UPF2: variants seen among roughly 807,000 people sequenced by gnomAD.
UPF2 encodes the protein UPF2 regulator of nonsense mediated mRNA decay, also known as regulator of nonsense transcripts 2.
Under a neutral mutation model 141.4 loss-of-function variants are expected in UPF2, and 17 were observed. That is an observed-to-expected ratio of 0.12 (90% CI 0.08 to 0.18). The LOEUF (loss-of-function observed/expected upper bound fraction) is 0.18. UPF2 is among the 10% of genes least tolerant of loss of function. The probability of loss-of-function intolerance (pLI) is 1.00; values close to 1 mark genes in which losing one functional copy is unlikely to be tolerated. For synonymous variants in UPF2, 540 were observed against 498.0 expected, an observed-to-expected ratio of 1.08 and a Z score of -1.12; for missense variants, 1,152 against 1,515.9, an observed-to-expected ratio of 0.76 and a Z score of 3.99.
At chr10:11,985,935 A>AGT (rs146698735) in intron 8 of UPF2, among the ~76,000 whole-genome samples, 51,645 of 133,410 alleles carry the variant, frequency 0.39, 10,666 homozygotes, top group East Asian at 0.61. Context: ...CCCAGGCTGG[A>AGT]GTGCAGTGGC....
chr10:11,942,708 T>G lies in UPF2; in HGVS notation c.3335A>C (p.Asp1112Ala). The change falls in exon 18 of 22, where the codon GAC (aspartate) becomes GCC (alanine). Residue 1112 changes from aspartate to alanine, a missense_variant. Physicochemically the swap from Asp to Ala is moderately radical, Grantham distance 126. Coordinates refer to ENST00000357604, the MANE Select transcript of UPF2 (RefSeq NM_015542.4). ...LKHVPCVEDE[D>A]FIQALDKMML... is the part of the protein sequence containing the mutation. Reference sequence around the variant, plus strand: ...CATTTTATCCAGAGCTTGAATGAAGTCCTCATCTTCTACACAAGGTACATG... The same window carrying G: ...CATTTTATCCAGAGCTTGAATGAAGGCCTCATCTTCTACACAAGGTACATG... 6.2e-7 allele frequency: 1 copy of G among 1,614,036 alleles called. No homozygotes were observed. Among genetic ancestry groups the G allele is most frequent in the Non-Finnish European group, 8.5e-7 (1 of 1,179,972 alleles).
At position 12,042,503 on chromosome 10, in the gene UPF2, G is replaced by A. The variant is rs1169093715; in HGVS notation, c.-19+252C>T. ...AGGCCCGGCCCAGGCATGTGGGGCA[G>A]GCACCTCCTCCACCGCCCCCCAAGC... On this transcript the variant is annotated intron_variant, in intron 1 of 21. Transcript: ENST00000357604. This position sits in a 1 kb window ranked among gnomAD's most constrained non-coding sequence, Gnocchi z 5.5. Among the ~76,000 whole-genome samples the A allele has an allele frequency of 6.6e-6, 1 of 152,246 alleles. No individual in the cohort carries two copies. Among genetic ancestry groups the A allele is most frequent in the East Asian group, 1.9e-4 (1 of 5,172 alleles).
chr10:11,923,292 C>A (rs1247525040), intron 21 of UPF2: 1 of 152,250 alleles, frequency 6.6e-6, no homozygotes, highest in African/African-American at 2.4e-5. Context: ...CGCCTGTACC[C>A]TCAGCACTTT....
At chr10:12,022,775 T>C (rs1458866945) in intron 3 of UPF2, among the ~76,000 whole-genome samples, 1 of 152,228 alleles carries the variant, frequency 6.6e-6, no homozygotes, top group African/African-American at 2.4e-5. Flanking sequence ...AGCAGTACCA[T>C]TTCATTATTG....
intron 4 of UPF2, among the ~76,000 whole-genome samples, chr10:12,011,028 C>G (rs1402113461): frequency 6.6e-6 from 1 of 152,128 alleles, no homozygotes; most frequent in African/African-American, 2.4e-5. Context: ...ATCACCCAGG[C>G]TGGAGTGCCT....
intron 9 of UPF2, among the ~76,000 whole-genome samples, chr10:11,970,097 T>C (rs1833390635): frequency 6.6e-6 from 1 of 152,202 alleles, no homozygotes; most frequent in Non-Finnish European, 1.5e-5. Flanking sequence ...CTTTATGGGA[T>C]ACATTATCTT....
chr10:12,007,186 T>C (rs1331084473), intron 4 of UPF2, among the ~76,000 whole-genome samples: 2 of 152,174 alleles, frequency 1.3e-5, no homozygotes, highest in Non-Finnish European at 2.9e-5. Flanking sequence ...AAAATAATAA[T>C]TGAAACAATA....
Position 11,979,022 on chromosome 10 carries a change from T to C in UPF2, c.1953+35A>G, listed in dbSNP as rs781115071. The C allele has an allele frequency of 2.7e-6, 4 of 1,500,060 alleles. No homozygotes were observed. The East Asian group carries it at 9.2e-5, about 34-fold the overall frequency. The allele number at this position is 1,500,060 out of a possible 1,614,324, so 92.9% of individuals were successfully genotyped here. On this transcript the variant is annotated intron_variant, in intron 9 of 21. Coordinates refer to ENST00000357604, the MANE Select transcript of UPF2 (RefSeq NM_015542.4). This position sits in a 1 kb window ranked among gnomAD's most constrained non-coding sequence, Gnocchi z 6.2. ...AGAATCCTCACTCAACGTATAAGAA[T>C]ATAAATATTTCAAAATAAATGCTTA...
intron 8 of UPF2, among the ~76,000 whole-genome samples, chr10:11,997,009 A>C (rs12569703): frequency 0.23 from 34,940 of 152,082 alleles, 4,476 homozygotes; most frequent in East Asian, 0.46. Context: ...TTAATTATTT[A>C]TTGTTGAATA....
chr10:11,970,903 T>C (rs1005255586), intron 9 of UPF2, among the ~76,000 whole-genome samples: 1 of 150,888 alleles, frequency 6.6e-6, no homozygotes, highest in Non-Finnish European at 1.5e-5. Context: ...ATATATATAT[T>C]TTTAAATCTC....
intron 2 of UPF2, among the ~76,000 whole-genome samples, chr10:12,031,761 G>C (rs561761478): frequency 6.6e-6 from 1 of 152,262 alleles, no homozygotes; most frequent in South Asian, 2.1e-4. Context: ...GGGTGACAGA[G>C]TGAGCCCTGT....
chr10:12,024,553 C>T (rs961693295), intron 3 of UPF2, among the ~76,000 whole-genome samples: 3 of 151,678 alleles, frequency 2.0e-5, no homozygotes, highest in Admixed American at 6.6e-5. Context: ...GAGGTTGCAG[C>T]GAGCCAAGAT....
intron 9 of UPF2, among the ~76,000 whole-genome samples, chr10:11,974,602 T>C (rs1833475807): frequency 6.6e-6 from 1 of 152,234 alleles, no homozygotes; most frequent in African/African-American, 2.4e-5. Flanking sequence ...TGTTGAATTT[T>C]GTCAAAGGCC....
Position 11,979,009 on chromosome 10 carries a change from C to A in UPF2, c.1953+48G>T. 7.1e-7 allele frequency: 1 copy of A among 1,403,826 alleles called. No individual in the cohort carries two copies. Among genetic ancestry groups the A allele is most frequent in the South Asian group, 1.2e-5 (1 of 82,258 alleles). The allele number at this position is 1,403,826 out of a possible 1,614,324, so 87.0% of individuals were successfully genotyped here. A position where few individuals can be genotyped will look rare whatever the true frequency, so the allele number is the denominator to read the frequency against. Reference sequence around the variant, plus strand: ...ATTACATTCTTAAAGAATCCTCACTCAACGTATAAGAATATAAATATTTCA... The same window carrying A: ...ATTACATTCTTAAAGAATCCTCACTAAACGTATAAGAATATAAATATTTCA... On this transcript the variant is annotated intron_variant, in intron 9 of 21. Coordinates refer to ENST00000357604, the MANE Select transcript of UPF2 (RefSeq NM_015542.4). The surrounding 1 kb of genome is among the most constrained non-coding windows in gnomAD (Gnocchi z 6.2).
rs572938649 is a variant in UPF2 at position 12,037,441 on chromosome 10, G to A, written c.-18-2000C>T. Reference sequence around the variant, plus strand: ...TTTTGAGTCTCGCTCTGTTGCCTAGGCTGGAGTGCAGTGGTGTGATCTCGG... The same window carrying A: ...TTTTGAGTCTCGCTCTGTTGCCTAGACTGGAGTGCAGTGGTGTGATCTCGG... On this transcript the variant is annotated intron_variant, in intron 1 of 21. Coordinates refer to ENST00000357604, the MANE Select transcript of UPF2 (RefSeq NM_015542.4). Among the ~76,000 whole-genome samples, 74 of 148,396 alleles carry A rather than the reference G, an allele frequency of 5.0e-4. No homozygotes were observed. The Middle Eastern group carries it at 0.01, about 21-fold the overall frequency.
At chr10:11,971,330 C>T (rs1833414203) in intron 9 of UPF2, among the ~76,000 whole-genome samples, 3 of 151,866 alleles carry the variant, frequency 2.0e-5, no homozygotes, top group Admixed American at 6.6e-5. Flanking sequence ...TCTCGGCTCA[C>T]CGCAACCTCC....
At chr10:11,967,295 A>C (rs754278000) in intron 10 of UPF2, 46 bp downstream of exon 10, 1 of 1,140,842 alleles carries the variant, frequency 8.8e-7, no homozygotes, top group Non-Finnish European at 1.2e-6. Context: ...TATAATTAAA[A>C]CTTTAAACTT....
chr10:12,032,874 G>T (rs1834551311), intron 2 of UPF2, among the ~76,000 whole-genome samples: 1 of 152,056 alleles, frequency 6.6e-6, no homozygotes, highest in Admixed American at 6.6e-5. Context: ...GCACGAGCCT[G>T]TAATGACAGC....
chr10:11,948,884 T>C (rs1833038802), intron 15 of UPF2, among the ~76,000 whole-genome samples: 1 of 152,240 alleles, frequency 6.6e-6, no homozygotes, highest in East Asian at 1.9e-4. Flanking sequence ...GCCACACTCT[T>C]TACCAAGTGA....
Sources: gnomAD v4.1 joint callset for allele counts (sites outside exome capture counted in the v4.1 genomes callset) on GRCh38, gnomAD v4.1.1 for gene constraint, Gnocchi (gnomAD v3.1) non-coding constraint, MANE v1.5 for transcripts, NCBI Gene and HGNC (gene_info 2026-07-23, HGNC 2026-07-21) for gene names.